NEMP2: variants seen among roughly 807,000 people sequenced by gnomAD.
NEMP2 encodes nuclear envelope integral membrane protein 2, also known as UPF0571 transmembrane protein.
In NEMP2, 53 loss-of-function variants were observed where a neutral mutation model predicts 54.2. The observed-to-expected ratio is 0.98, with a 90% CI of 0.78 to 1.23. The LOEUF is 1.23. Among genes scored for constraint, NEMP2 ranks in the 50% most tolerant of loss-of-function variants. The pLI, the probability that NEMP2 is intolerant of heterozygous loss-of-function variation, is 0.00. For synonymous variants in NEMP2, 197 were observed against 190.3 expected (o/e 1.04, Z -0.29); for missense variants, 455 against 511.3 (o/e 0.89, Z 1.06).
chr2:190,620,567 T>C, the NEMP2 span, among the ~76,000 whole-genome samples: 1 of 152,222 alleles, frequency 6.6e-6, no homozygotes, highest in African/African-American at 2.4e-5. The surrounding 1 kb of genome is among the most constrained non-coding windows in gnomAD (Gnocchi z 4.9). Flanking sequence ...GTTTTAACAA[T>C]TCAGCCCTGA....
In NEMP2 at chr2:190,523,665, T is replaced by C. The variant is rs2125332288; in HGVS notation, c.213+1598A>G. Among the ~76,000 whole-genome samples, 1 of 152,288 alleles carries C rather than the reference T, an allele frequency of 6.6e-6. No homozygotes were observed. The highest frequency in any genetic ancestry group is 2.1e-4 in the South Asian group (1 of 4,830). ...TATGAAATTACACACGCCTAGAACA[T>C]CTTGTTTGTTAGAAAGTAAAGTAGT... is the stretch of plus-strand genomic sequence containing the variant. On this transcript the variant is annotated intron_variant, in intron 2 of 8. Coordinates refer to ENST00000409150, the MANE Select transcript of NEMP2 (RefSeq NM_001142645.2). The surrounding 1 kb of genome is among the most constrained non-coding windows in gnomAD (Gnocchi z 5.3).
At chr2:190,628,987 T>C in the NEMP2 span, among the ~76,000 whole-genome samples, 1 of 152,176 alleles carries the variant, frequency 6.6e-6, no homozygotes, top group Non-Finnish European at 1.5e-5. The surrounding 1 kb of genome is among the most constrained non-coding windows in gnomAD (Gnocchi z 4.1). Context: ...ATCTCAAGAA[T>C]CTCAAACTCA....
chr2:190,453,529 C>G, the NEMP2 span, among the ~76,000 whole-genome samples: 1 of 152,206 alleles, frequency 6.6e-6, no homozygotes, highest in South Asian at 2.1e-4. Flanking sequence ...AAGGAACATG[C>G]CGTTATCAGT....
chr2:190,445,785 T>G, the NEMP2 span, among the ~76,000 whole-genome samples: 1 of 146,378 alleles, frequency 6.8e-6, no homozygotes, highest in East Asian at 2.0e-4. Context: ...ATACTTACTT[T>G]GAAATCAGAT....
chr2:190,468,659 A>G, the NEMP2 span, among the ~76,000 whole-genome samples: 1 of 142,114 alleles, frequency 7.0e-6, no homozygotes, highest in Non-Finnish European at 1.5e-5. Flanking sequence ...GGTTCTCACT[A>G]TGTTGCCCAG....
chr2:190,638,884 TG>T, the NEMP2 span, among the ~76,000 whole-genome samples: 1 of 152,176 alleles, frequency 6.6e-6, no homozygotes, highest in African/African-American at 2.4e-5. The surrounding 1 kb of genome is among the most constrained non-coding windows in gnomAD (Gnocchi z 5.7). Context: ...TGGCACCTGG[TG>T]GGCCAGTTTT....
At chr2:190,627,938 A>C in the NEMP2 span, 1 of 152,202 alleles carries the variant, frequency 6.6e-6, no homozygotes, top group Non-Finnish European at 1.5e-5. This position sits in a 1 kb window ranked among gnomAD's most constrained non-coding sequence, Gnocchi z 4.4. Context: ...CGCGCAGGCC[A>C]CCGCGGCTCC....
At chr2:190,648,644 G>A in the NEMP2 span, among the ~76,000 whole-genome samples, 8 of 150,096 alleles carry the variant, frequency 5.3e-5, no homozygotes, top group Admixed American at 1.3e-4. Context: ...AACCTTCCCA[G>A]TTCACTCCGC....
the NEMP2 span, among the ~76,000 whole-genome samples, chr2:190,556,670 T>C: frequency 6.6e-6 from 1 of 152,140 alleles, no homozygotes; most frequent in Non-Finnish European, 1.5e-5. Flanking sequence ...TCACAAGCAT[T>C]CCTATACACC....
chr2:190,539,262 C>T (rs1173632519), upstream of NEMP2, among the ~76,000 whole-genome samples: 2 of 152,118 alleles, frequency 1.3e-5, no homozygotes, highest in African/African-American at 2.4e-5. The surrounding 1 kb of genome is among the most constrained non-coding windows in gnomAD (Gnocchi z 4.1). Flanking sequence ...TGGCTCTAAA[C>T]ATGTGGATTT....
At chr2:190,568,850 AACTC>A in the NEMP2 span, among the ~76,000 whole-genome samples, 4 of 152,040 alleles carry the variant, frequency 2.6e-5, no homozygotes, top group Admixed American at 6.6e-5. The surrounding 1 kb of genome is among the most constrained non-coding windows in gnomAD (Gnocchi z 4.7). Context: ...AACAACAAAA[AACTC>A]AATAATTATC....
chr2:190,509,408 A>C lies in NEMP2; in HGVS notation c.1131-96T>G. 3 of 1,404,918 alleles carry C rather than the reference A, an allele frequency of 2.1e-6. No individual in the cohort carries two copies. The highest frequency in any genetic ancestry group is 2.9e-6 in the Non-Finnish European group (3 of 1,028,920). 87.0% of individuals were successfully genotyped at this position (1,404,918 alleles called of 1,614,324 possible). On this transcript the variant is annotated intron_variant, in intron 8 of 8. Coordinates refer to ENST00000409150, the MANE Select transcript of NEMP2 (RefSeq NM_001142645.2). This position sits in a 1 kb window ranked among gnomAD's most constrained non-coding sequence, Gnocchi z 6.1. ...CCTTGCTATTTATCCCCTTTAATTAAATTTGACTTTGCATCAATACAGGGT... is the reference window on the plus strand; with the variant it reads ...CCTTGCTATTTATCCCCTTTAATTACATTTGACTTTGCATCAATACAGGGT...
chr2:190,545,668 T>C, the NEMP2 span, among the ~76,000 whole-genome samples: 2 of 152,250 alleles, frequency 1.3e-5, no homozygotes, highest in Non-Finnish European at 2.9e-5. Flanking sequence ...TTCTTTCATG[T>C]GTTTTTGGAA....
the NEMP2 span, chr2:190,435,931 G>A: frequency 7.0e-7 from 1 of 1,430,994 alleles, no homozygotes; most frequent in East Asian, 2.3e-5. Flanking sequence ...GTGTTTACAT[G>A]TTATGATTTT....
At chr2:190,536,007 A>C (rs1240482399), upstream of NEMP2, 1 of 152,248 alleles carries the variant, frequency 6.6e-6, no homozygotes, top group African/African-American at 2.4e-5. Flanking sequence ...TGAATGATGA[A>C]TGTATTTTCT....
At chr2:190,556,695 A>G in the NEMP2 span, among the ~76,000 whole-genome samples, 2 of 152,178 alleles carry the variant, frequency 1.3e-5, no homozygotes, top group Non-Finnish European at 2.9e-5. Flanking sequence ...GCAGACAAAC[A>G]GCCAAATCAT....
At chr2:190,460,816 C>T in the NEMP2 span, among the ~76,000 whole-genome samples, 9 of 152,250 alleles carry the variant, frequency 5.9e-5, no homozygotes, top group African/African-American at 2.2e-4. Flanking sequence ...AGTGGGAGGA[C>T]TGAGAGCTAG....
At chr2:190,625,444 G>A in the NEMP2 span, 2 of 152,122 alleles carry the variant, frequency 1.3e-5, no homozygotes, top group Non-Finnish European at 2.9e-5. Context: ...ATAAGCATAG[G>A]GCTTCTTTTT....
the NEMP2 span, among the ~76,000 whole-genome samples, chr2:190,561,691 G>C: frequency 1.3e-5 from 2 of 152,134 alleles, no homozygotes; most frequent in Admixed American, 1.3e-4. This position sits in a 1 kb window ranked among gnomAD's most constrained non-coding sequence, Gnocchi z 5.4. Context: ...GGGAGAGGTA[G>C]GAAGAGTTCA....
Sources: allele counts gnomAD v4.1 joint callset (sites outside exome capture counted in the v4.1 genomes callset), GRCh38; gene constraint gnomAD v4.1.1; non-coding constraint Gnocchi (gnomAD v3.1); transcripts MANE v1.5; gene names NCBI Gene and HGNC (gene_info 2026-07-23, HGNC 2026-07-21).